Variants in CEP112 observed in about 807,000 individuals in gnomAD.
The protein encoded by CEP112 is centrosomal protein of 112 kDa.
Under a neutral mutation model 153.0 loss-of-function variants are expected in CEP112, and 127 were observed. That is an observed-to-expected ratio of 0.83 (90% CI 0.72 to 0.96). The LOEUF (loss-of-function observed/expected upper bound fraction) is 0.96, where lower values mean the gene tolerates loss of function less well. CEP112 is among the 40% of genes least tolerant of loss of function. The probability of loss-of-function intolerance (pLI) is 0.00; values close to 1 mark genes in which losing one functional copy is unlikely to be tolerated. For missense variants in CEP112, 1,089 were observed against 1,101.2 expected, an observed-to-expected ratio of 0.99 and a Z score of 0.16; for synonymous variants, 358 against 374.4, an observed-to-expected ratio of 0.96 and a Z score of 0.51.
intron 17 of CEP112, among the ~76,000 whole-genome samples, chr17:65,999,378 T>A (rs1359932903): frequency 6.6e-6 from 1 of 152,036 alleles, no homozygotes; most frequent in Non-Finnish European, 1.5e-5. Context: ...ATTTTTTGTA[T>A]TTTTAGTGGA....
chr17:65,819,818 T>C (rs537526982), intron 21 of CEP112, among the ~76,000 whole-genome samples: 119 of 151,526 alleles, frequency 7.9e-4, no homozygotes, highest in African/African-American at 2.7e-3. Context: ...ACAGGGGAGG[T>C]GTCATAGATT....
chr17:65,819,737 G>A (rs964972409), intron 21 of CEP112, among the ~76,000 whole-genome samples: 3 of 151,852 alleles, frequency 2.0e-5, no homozygotes, highest in Admixed American at 6.6e-5. Flanking sequence ...TAAACAAAGT[G>A]AGAAAATTCT....
At chr17:65,697,365 A>G (rs1362908480) in intron 23 of CEP112, among the ~76,000 whole-genome samples, 4 of 152,184 alleles carry the variant, frequency 2.6e-5, no homozygotes, top group African/African-American at 4.8e-5. Context: ...ACTCCAATTC[A>G]GTCTATTAAC....
intron 17 of CEP112, among the ~76,000 whole-genome samples, chr17:65,968,694 C>T (rs2062506435): frequency 6.6e-6 from 1 of 152,146 alleles, no homozygotes; most frequent in African/African-American, 2.4e-5. Context: ...AAAGTTACTA[C>T]ATTTTTTAGA....
intron 18 of CEP112, among the ~76,000 whole-genome samples, chr17:65,951,749 C>CTCCCCCG (rs371338724): frequency 9.4e-6 from 1 of 106,148 alleles, no homozygotes; most frequent in Non-Finnish European, 2.0e-5. Flanking sequence ...CCCCGCCCCC[C>CTCCCCCG]CCTTTCTTCC....
chr17:65,961,596 T>G lies in CEP112; in HGVS notation c.1739A>C (p.Glu580Ala). 1 of 1,608,692 alleles carries G rather than the reference T, an allele frequency of 6.2e-7. No homozygotes were observed. The highest frequency in any genetic ancestry group is 8.5e-7 in the Non-Finnish European group (1 of 1,176,048). The change falls in exon 18 of 27, where the codon GAA (glutamate) becomes GCA (alanine). Residue 580 changes from glutamate to alanine, a missense_variant and splice_region_variant. Coordinates refer to ENST00000535342, the MANE Select transcript of CEP112 (RefSeq NM_001199165.4). ...KIHKFEEALK[E>A]KEEQLTRVTE... Reference sequence around the variant, plus strand: ...CACACGAGTTAGCTGCTCCTCTTTTTCCCTAGAAAGGTTCAGAGAAGCTTC... The same window carrying G: ...CACACGAGTTAGCTGCTCCTCTTTTGCCCTAGAAAGGTTCAGAGAAGCTTC...
At chr17:65,903,826 C>T (rs776566075) in intron 19 of CEP112, among the ~76,000 whole-genome samples, 9 of 151,768 alleles carry the variant, frequency 5.9e-5, no homozygotes, top group Non-Finnish European at 1.2e-4. Context: ...AATCAATAAA[C>T]GTAATACATC....
chr17:65,672,813 TC>T (rs1413385571), intron 24 of CEP112, among the ~76,000 whole-genome samples: 8 of 152,100 alleles, frequency 5.3e-5, no homozygotes, highest in Admixed American at 1.3e-4. Context: ...CACACACATA[TC>T]AAAAATTTGA....
At chr17:65,679,148 T>TTTTTTTTTTTTTTTTTTTTTG (rs2047386408) in intron 24 of CEP112, among the ~76,000 whole-genome samples, 1 of 108,104 alleles carries the variant, frequency 9.3e-6, no homozygotes, top group African/African-American at 3.4e-5. Context: ...TTTTTTTTTT[T>TTTTTTTTTTTTTTTTTTTTTG]TTTTTTTTTT....
intron 21 of CEP112, among the ~76,000 whole-genome samples, chr17:65,805,514 T>A (rs2055545754): frequency 6.6e-6 from 1 of 152,196 alleles, no homozygotes; most frequent in Admixed American, 6.5e-5. Flanking sequence ...CAATGATGAC[T>A]CTGAGTTGAT....
At chr17:65,653,868 G>A (rs930804048) in intron 24 of CEP112, among the ~76,000 whole-genome samples, 3 of 151,884 alleles carry the variant, frequency 2.0e-5, no homozygotes, top group Admixed American at 2.0e-4. Context: ...AGACCAGCCT[G>A]GCCAACATGG....
In CEP112 at chr17:65,635,807, C is replaced by G; in HGVS notation, c.*164G>C. The G allele has an allele frequency of 1.5e-6, 1 of 672,508 alleles. No homozygotes were observed. The highest frequency in any genetic ancestry group is 2.8e-5 in the East Asian group (1 of 35,182). 41.7% of individuals were successfully genotyped at this position (672,508 alleles called of 1,614,324 possible). On this transcript the variant is annotated 3_prime_UTR_variant, in exon 27 of 27. Transcript: ENST00000535342. Reference sequence around the variant, plus strand: ...ACTTAGGCAGACACAAATAAAACCACCCCACTAGTGTATGAATGATGCATG... The same window carrying G: ...ACTTAGGCAGACACAAATAAAACCAGCCCACTAGTGTATGAATGATGCATG...
rs1366561456 is a variant in CEP112, at chr17:66,029,854, G to C, written c.1373+15C>G. The C allele has an allele frequency of 6.2e-7, 1 of 1,608,132 alleles. No homozygotes were observed. The highest frequency in any genetic ancestry group is 8.5e-7 in the Non-Finnish European group (1 of 1,175,838). On this transcript the variant is annotated intron_variant, in intron 13 of 26. Transcript: ENST00000535342. The stretch of plus-strand genomic sequence containing the variant: ...TTATAGCTACACCTGATAAATATCT[G>C]ATTTCAGACAATACCTTGCCTTTAC...
chr17:65,997,552 T>C (rs980865301), intron 17 of CEP112, among the ~76,000 whole-genome samples: 1 of 152,232 alleles, frequency 6.6e-6, no homozygotes, highest in African/African-American at 2.4e-5. Context: ...CAGACACGTT[T>C]AATTAAAAAT....
At chr17:65,810,336 G>T (rs996026045) in intron 21 of CEP112, among the ~76,000 whole-genome samples, 31 of 152,030 alleles carry the variant, frequency 2.0e-4, no homozygotes, top group African/African-American at 7.0e-4. Context: ...CAGGTAGGTG[G>T]AGCCTTTTGT....
chr17:65,986,856 T>A (rs1037531116), intron 17 of CEP112, among the ~76,000 whole-genome samples: 1 of 152,044 alleles, frequency 6.6e-6, no homozygotes, highest in South Asian at 2.1e-4. Context: ...CAAGTTGACA[T>A]GGAGAAGACA....
intron 20 of CEP112, among the ~76,000 whole-genome samples, chr17:65,869,059 A>G (rs548789708): frequency 6.6e-6 from 1 of 152,356 alleles, no homozygotes; most frequent in Admixed American, 6.5e-5. Flanking sequence ...AAGTCCGGGC[A>G]AGAAACCAGC....
chr17:66,068,389 T>C (rs1368600022), intron 9 of CEP112, among the ~76,000 whole-genome samples: 1 of 152,082 alleles, frequency 6.6e-6, no homozygotes, highest in Non-Finnish European at 1.5e-5. Context: ...GCCATGATCA[T>C]GGATCATGCC....
intron 23 of CEP112, among the ~76,000 whole-genome samples, chr17:65,702,596 T>A (rs1311962631): frequency 6.6e-6 from 1 of 152,208 alleles, no homozygotes; most frequent in East Asian, 1.9e-4. Context: ...TTTATTATTG[T>A]TGGTAGTCTC....
Sources: gnomAD v4.1 joint callset for allele counts (sites outside exome capture counted in the v4.1 genomes callset) on GRCh38, gnomAD v4.1.1 for gene constraint, MANE v1.5 for transcripts, NCBI Gene and HGNC (gene_info 2026-07-23, HGNC 2026-07-21) for gene names.